The following ZPBP variants were observed in gnomAD, a reference collection of about 807,000 sequenced individuals.
ZPBP encodes the protein zona pellucida binding protein.
In ZPBP, 26 loss-of-function variants were observed where a neutral mutation model predicts 44.8. The observed-to-expected ratio is 0.58, with a 90% CI of 0.43 to 0.81. The LOEUF (loss-of-function observed/expected upper bound fraction) is 0.81, where lower values mean the gene tolerates loss of function less well. Among genes scored for constraint, ZPBP ranks in the 30% least tolerant of loss-of-function variants. The probability of loss-of-function intolerance (pLI) is 0.00; values close to 1 mark genes in which losing one functional copy is unlikely to be tolerated. For synonymous variants in ZPBP, 174 were observed against 153.2 expected, an observed-to-expected ratio of 1.14 and a Z score of -1.00; for missense variants, 409 against 434.0, an observed-to-expected ratio of 0.94 and a Z score of 0.51.
intron 3 of ZPBP, among the ~76,000 whole-genome samples, chr7:50,071,636 G>C (rs980433936): frequency 6.6e-6 from 1 of 152,100 alleles, no homozygotes; most frequent in Non-Finnish European, 1.5e-5. Flanking sequence ...GAGAGGAAAG[G>C]AAAGAGTGGG....
At chr7:50,052,747 A>T (rs1024258447) in intron 4 of ZPBP, among the ~76,000 whole-genome samples, 1 of 152,216 alleles carries the variant, frequency 6.6e-6, no homozygotes, top group Non-Finnish European at 1.5e-5. Flanking sequence ...GTATATGCAT[A>T]CTATGCCATG....
At chr7:50,017,049 T>G (rs1270609256) in intron 6 of ZPBP, among the ~76,000 whole-genome samples, 1 of 152,062 alleles carries the variant, frequency 6.6e-6, no homozygotes, top group Non-Finnish European at 1.5e-5. Flanking sequence ...GGGTGGGGGA[T>G]GGTTCGAGGG....
chr7:50,038,652 AG>A (rs1411982705), intron 4 of ZPBP, among the ~76,000 whole-genome samples: 7 of 152,338 alleles, frequency 4.6e-5, no homozygotes, highest in African/African-American at 1.7e-4. Context: ...TTCACCCCAG[AG>A]TTGCTACAAT....
intron 7 of ZPBP, among the ~76,000 whole-genome samples, chr7:49,982,741 A>G (rs150496573): frequency 6.6e-4 from 100 of 152,070 alleles, no homozygotes; most frequent in African/African-American, 2.4e-3. Context: ...CTCTTTTAAG[A>G]CTGAAAATTA....
At chr7:49,914,785 A>G (rs1239229501) in intron 1 of ZPBP, 1 of 152,186 alleles carries the variant, frequency 6.6e-6, no homozygotes, top group Non-Finnish European at 1.5e-5. Context: ...ACTGCCCAAT[A>G]AAAAAGGAAA....
intron 2 of ZPBP, among the ~76,000 whole-genome samples, chr7:49,866,048 G>T (rs1376194613): frequency 6.6e-6 from 1 of 152,008 alleles, no homozygotes; most frequent in Admixed American, 6.6e-5. Flanking sequence ...CTTCCTTTGA[G>T]AATCTTTTGC....
At chr7:49,969,814 TATATAGAG>T (rs1405847990) in intron 7 of ZPBP, among the ~76,000 whole-genome samples, 15 of 117,344 alleles carry the variant, frequency 1.3e-4, no homozygotes, top group East Asian at 3.7e-4. Flanking sequence ...TATATATATA[TATATAGAG>T]AGAGAGAGAG....
At chr7:49,844,016 C>T in the ZPBP span, among the ~76,000 whole-genome samples, 2 of 152,088 alleles carry the variant, frequency 1.3e-5, no homozygotes, top group Non-Finnish European at 2.9e-5. Context: ...CTGGGTTTGG[C>T]CATGGAATTG....
At chr7:49,994,052 A>G (rs1279254332) in intron 6 of ZPBP, among the ~76,000 whole-genome samples, 1 of 152,126 alleles carries the variant, frequency 6.6e-6, no homozygotes, top group African/African-American at 2.4e-5. Context: ...CAAATTTCCA[A>G]TCATCATCTT....
intron 7 of ZPBP, among the ~76,000 whole-genome samples, chr7:49,952,563 A>C (rs1795393142): frequency 6.6e-6 from 1 of 152,054 alleles, no homozygotes. Context: ...TACAGGAAAC[A>C]AATGTAAAAG....
intron 3 of ZPBP, among the ~76,000 whole-genome samples, chr7:50,071,340 C>T (rs988871387): frequency 2.6e-5 from 4 of 152,174 alleles, no homozygotes; most frequent in Non-Finnish European, 4.4e-5. Context: ...AGAGAATCAT[C>T]GATCCCAGCA....
chr7:49,987,727 GTT>G (rs966158281), intron 6 of ZPBP, among the ~76,000 whole-genome samples: 5 of 93,368 alleles, frequency 5.4e-5, no homozygotes, highest in Non-Finnish European at 8.2e-5. Context: ...TTATATATGT[GTT>G]GTGTGTGTGT....
chr7:50,051,485 T>C (rs1300961414), intron 4 of ZPBP, among the ~76,000 whole-genome samples: 5 of 152,160 alleles, frequency 3.3e-5, no homozygotes, highest in African/African-American at 4.8e-5. Flanking sequence ...CATGCACTGA[T>C]ACGTTCATTG....
At chr7:49,876,639 T>C (rs567744890) in intron 2 of ZPBP, among the ~76,000 whole-genome samples, 1 of 152,220 alleles carries the variant, frequency 6.6e-6, no homozygotes, top group East Asian at 1.9e-4. Context: ...AAGGGAAGAA[T>C]TGCCTTGTTG....
intron 6 of ZPBP, among the ~76,000 whole-genome samples, chr7:50,005,827 G>A (rs1798284212): frequency 3.2e-5 from 1 of 31,634 alleles, no homozygotes; most frequent in East Asian, 5.8e-3. Context: ...CTATATATGT[G>A]TGTGTGTGTG....
the ZPBP span, among the ~76,000 whole-genome samples, chr7:49,843,763 C>T: frequency 1.3e-5 from 2 of 152,130 alleles, no homozygotes; most frequent in Admixed American, 6.5e-5. Context: ...GAAATGTTGC[C>T]CCCAGCGCTA....
At chr7:49,851,194 T>C (rs1790165856) in intron 2 of ZPBP, among the ~76,000 whole-genome samples, 1 of 152,224 alleles carries the variant, frequency 6.6e-6, no homozygotes, top group South Asian at 2.1e-4. Flanking sequence ...TGTGGTCTTC[T>C]TCTCTGTGCC....
chr7:49,867,170 C>A (rs1208539056), intron 2 of ZPBP, among the ~76,000 whole-genome samples: 1 of 152,204 alleles, frequency 6.6e-6, no homozygotes, highest in Non-Finnish European at 1.5e-5. Context: ...GCAAGGAAGG[C>A]CTTTCCCTTT....
At chr7:50,047,483 G>T (rs1025091096) in intron 4 of ZPBP, among the ~76,000 whole-genome samples, 1 of 152,006 alleles carries the variant, frequency 6.6e-6, no homozygotes, top group Non-Finnish European at 1.5e-5. Context: ...TGGGGAAAAT[G>T]CCATAGGGTT....
Sources: allele counts gnomAD v4.1 joint callset (sites outside exome capture counted in the v4.1 genomes callset), GRCh38; gene constraint gnomAD v4.1.1; transcripts MANE v1.5; gene names NCBI Gene and HGNC (gene_info 2026-07-23, HGNC 2026-07-21).